Variants in XRCC5 observed in about 807,000 individuals in gnomAD.
The protein encoded by XRCC5 is X-ray repair cross complementing 5, also known as DNA repair protein Ku80.
In XRCC5, 12 loss-of-function variants were observed where a neutral mutation model predicts 95.7. The observed-to-expected ratio is 0.13, with a 90% CI of 0.08 to 0.20. The LOEUF (loss-of-function observed/expected upper bound fraction) is 0.20, where lower values mean the gene tolerates loss of function less well. XRCC5 is among the 10% of genes least tolerant of loss of function. The probability of loss-of-function intolerance (pLI) is 1.00; values close to 1 mark genes in which losing one functional copy is unlikely to be tolerated. For missense variants in XRCC5, 595 were observed against 873.9 expected (o/e 0.68, Z 4.02); for synonymous variants, 281 against 290.3 (o/e 0.97, Z 0.33).
chr2:216,131,858 C>T (rs924592878), intron 9 of XRCC5, among the ~76,000 whole-genome samples: 12 of 152,210 alleles, frequency 7.9e-5, no homozygotes, highest in East Asian at 1.9e-4. Flanking sequence ...GCACTCCAGA[C>T]TTCTATTGAT....
At chr2:216,126,944 A>G (rs192511761) in intron 7 of XRCC5, among the ~76,000 whole-genome samples, 1 of 151,578 alleles carries the variant, frequency 6.6e-6, no homozygotes, top group African/African-American at 2.4e-5. Flanking sequence ...GATAAAATGT[A>G]TAGTCCTCTT....
At chr2:216,134,672 A>ACCC (rs34118455) in intron 10 of XRCC5, among the ~76,000 whole-genome samples, 2 of 132,916 alleles carry the variant, frequency 1.5e-5, no homozygotes, top group African/African-American at 2.7e-5. Context: ...CAGGTGATCC[A>ACCC]CCCCCCCCCC....
chr2:216,113,257 T>C, intron 2 of XRCC5, 128 bp downstream of exon 2: 1 of 704,642 alleles, frequency 1.4e-6, no homozygotes, highest in South Asian at 1.9e-5. Flanking sequence ...CTGGGGAGTT[T>C]CCTTACATGT....
intron 19 of XRCC5, chr2:216,204,019 A>T (rs1043291545): frequency 3.2e-6 from 1 of 316,134 alleles, no homozygotes; most frequent in Non-Finnish European, 6.1e-6. Context: ...GAAACAGCAG[A>T]TGTCCACCAT....
At chr2:216,177,158 A>T (rs207938) in intron 16 of XRCC5, among the ~76,000 whole-genome samples, 10 of 152,146 alleles carry the variant, frequency 6.6e-5, no homozygotes, top group Non-Finnish European at 1.2e-4. Flanking sequence ...TAAAAAGTAC[A>T]TGTATTCACC....
intron 13 of XRCC5, among the ~76,000 whole-genome samples, chr2:216,141,928 C>T (rs1017745903): frequency 6.6e-6 from 1 of 152,082 alleles, no homozygotes; most frequent in South Asian, 2.1e-4. Flanking sequence ...GTAGCACGTG[C>T]CTGTAATCCG....
At chr2:216,157,402 G>A (rs1688866729) in intron 14 of XRCC5, among the ~76,000 whole-genome samples, 1 of 151,548 alleles carries the variant, frequency 6.6e-6, no homozygotes, top group African/African-American at 2.4e-5. Context: ...CCCGGCTAAT[G>A]TTTTGTACTT....
chr2:216,147,109 CATAT>C (rs1688650539), intron 13 of XRCC5, among the ~76,000 whole-genome samples: 1 of 146,514 alleles, frequency 6.8e-6, no homozygotes, highest in African/African-American at 2.8e-5. Context: ...GGGGCTACTT[CATAT>C]AGAGTGTCAG....
chr2:216,173,972 G>T (rs1689221053), intron 16 of XRCC5, among the ~76,000 whole-genome samples: 1 of 152,172 alleles, frequency 6.6e-6, no homozygotes. Flanking sequence ...CTAATATTTT[G>T]TTGGGAAATT....
At chr2:216,147,719 A>G (rs1330320714) in intron 13 of XRCC5, among the ~76,000 whole-genome samples, 3 of 152,196 alleles carry the variant, frequency 2.0e-5, no homozygotes, top group Admixed American at 1.3e-4. Context: ...AGATAAAAGG[A>G]TTATAACAAG....
chr2:216,151,313 C>G (rs1688740071), intron 14 of XRCC5, among the ~76,000 whole-genome samples: 1 of 152,206 alleles, frequency 6.6e-6, no homozygotes, highest in Non-Finnish European at 1.5e-5. Context: ...AATGTCATCT[C>G]TTGGACGGGG....
Position 216,167,588 on chromosome 2 carries a change from GTGTGTGTGTGTGTGT to G in XRCC5, c.1834+5541_1834+5555del, listed in dbSNP as rs1402573602. 3.8e-3 allele frequency among the ~76,000 whole-genome samples: 555 copies of G among 147,292 alleles called. 3 individuals are homozygous for G. The highest frequency in any genetic ancestry group is 6.6e-3 in the Non-Finnish European group (441 of 67,088). On this transcript the variant is annotated intron_variant, in intron 16 of 20. Transcript: ENST00000392132. ...TGTGGGTTTGTGTGTGTGTGTGTGT[GTGTGTGTGTGTGTGT>G]GTGTGTGTGTGATTTTTTTTAATTG...
Position 216,127,539 on chromosome 2 carries a change from C to A in XRCC5, c.802C>A (p.Leu268Ile). The A allele has an allele frequency of 6.3e-7, 1 of 1,592,622 alleles. No individual in the cohort carries two copies. Among genetic ancestry groups the A allele is most frequent in the Non-Finnish European group, 8.5e-7 (1 of 1,174,472 alleles). ...CCTTTGTGTTTTGGAATGTAAGATT[C>A]TACAGGAGAGAGTTAAAAAGACTTG... Reference protein sequence around the residue: ...SIRIAAYKSILQERVKKTWTV... With the variant: ...SIRIAAYKSIIQERVKKTWTV... Residue 268 changes from leucine to isoleucine, a missense_variant, in exon 8 of 21, where the codon CTA becomes ATA. Physicochemically the swap from Leu to Ile is conservative, Grantham distance 5 (BLOSUM62 2). Coordinates refer to ENST00000392132, the MANE Select transcript of XRCC5 (RefSeq NM_021141.4).
In XRCC5 at chr2:216,127,662, G is replaced by A. The variant is rs1322113097; in HGVS notation, c.925G>A (p.Asp309Asn). The change falls in exon 8 of 21, where the codon GAT becomes AAT. Residue 309 changes from aspartate to asparagine, a missense_variant. Asp to Asn is a conservative substitution (Grantham distance 23, BLOSUM62 1). Coordinates refer to ENST00000392132, the MANE Select transcript of XRCC5 (RefSeq NM_021141.4). ...DDDETEVLKE[D>N]IIQGFRYGSD... is the part of the protein sequence containing the mutation. ...TGATGAAACTGAAGTTTTAAAAGAG[G>A]ATATTATTCAAGGTATGTCAGTAAG... The A allele has an allele frequency of 1.2e-5, 20 of 1,603,168 alleles. No individual in the cohort carries two copies. Among genetic ancestry groups the A allele is most frequent in the Non-Finnish European group, 1.4e-5 (16 of 1,176,928 alleles).
intron 17 of XRCC5, 111 bp downstream of exon 17, chr2:216,190,445 A>C: frequency 2.2e-6 from 2 of 909,562 alleles, no homozygotes; most frequent in Non-Finnish European, 3.4e-6. Context: ...TATCATTCTC[A>C]ATATGAATAG....
intron 10 of XRCC5, among the ~76,000 whole-genome samples, chr2:216,133,649 A>G (rs1186563475): frequency 6.6e-6 from 1 of 152,226 alleles, no homozygotes; most frequent in African/African-American, 2.4e-5. Flanking sequence ...GTGTAATTCA[A>G]ATCTGGCCTT....
intron 1 of XRCC5, among the ~76,000 whole-genome samples, chr2:216,112,042 C>T (rs933815896): frequency 6.6e-6 from 1 of 152,206 alleles, no homozygotes; most frequent in Admixed American, 6.5e-5. Context: ...AGACATTTCA[C>T]GTTGTTGATT....
chr2:216,154,225 G>C (rs569324687), intron 14 of XRCC5, among the ~76,000 whole-genome samples: 5 of 152,186 alleles, frequency 3.3e-5, no homozygotes, highest in Admixed American at 6.5e-5. Flanking sequence ...TGCCTTCCAG[G>C]AGGTTGGTTA....
intron 16 of XRCC5, among the ~76,000 whole-genome samples, chr2:216,166,416 C>G (rs1363749320): frequency 6.6e-6 from 1 of 152,156 alleles, no homozygotes; most frequent in Non-Finnish European, 1.5e-5. Context: ...GCCACCAAGT[C>G]CAGCTCAGAA....
Sources: allele counts gnomAD v4.1 joint callset (sites outside exome capture counted in the v4.1 genomes callset), GRCh38; gene constraint gnomAD v4.1.1; transcripts MANE v1.5; gene names NCBI Gene and HGNC (gene_info 2026-07-23, HGNC 2026-07-21).